Variants in UGT1A5 observed in about 807,000 individuals in gnomAD.
UGT1A5 encodes the protein UDP-glucuronosyltransferase 1A5.
In UGT1A5, 29 loss-of-function variants were observed where a neutral mutation model predicts 40.3. That is an observed-to-expected ratio of 0.72 (90% CI 0.54 to 0.98). The LOEUF (loss-of-function observed/expected upper bound fraction) is 0.98. Among genes scored for constraint, UGT1A5 ranks in the 50% least tolerant of loss-of-function variants. The pLI is 0.00. For missense variants in UGT1A5, 678 were observed against 677.9 expected (o/e 1.00, Z 0.00); for synonymous variants, 257 against 262.5 (o/e 0.98, Z 0.20).
intron 1 of UGT1A5, among the ~76,000 whole-genome samples, chr2:233,738,198 C>T (rs981830187): frequency 3.3e-5 from 5 of 152,188 alleles, no homozygotes; most frequent in Admixed American, 3.3e-4. Context: ...GCCTCTCTCT[C>T]ACTTTCTGCC....
intron 1 of UGT1A5, among the ~76,000 whole-genome samples, chr2:233,725,192 A>C (rs1239126007): frequency 1.2e-5 from 1 of 85,448 alleles, no homozygotes; most frequent in African/African-American, 8.6e-5. Flanking sequence ...AGGCAGAGGC[A>C]GAGGCAGAGG....
Position 233,766,627 on chromosome 2 carries a change from T to G in UGT1A5, c.868-407T>G, listed in dbSNP as rs28900401. On this transcript the variant is annotated intron_variant, in intron 1 of 4. Transcript: ENST00000373414. ...CACCCTCTTCTACCCAGCACTTCCC[T>G]TCCCTACTTCCATATCATTTAAAGG... 9.6e-3 allele frequency among the ~76,000 whole-genome samples: 1,465 copies of G among 152,310 alleles called. 33 individuals are homozygous for G. The highest frequency in any genetic ancestry group is 0.033 in the African/African-American group (1,374 of 41,578).
intron 1 of UGT1A5, among the ~76,000 whole-genome samples, chr2:233,742,411 A>G (rs566737557): frequency 5.3e-5 from 8 of 152,078 alleles, no homozygotes; most frequent in Non-Finnish European, 8.8e-5. Flanking sequence ...TAGTTTAGGA[A>G]CACCTTAAGC....
At chr2:233,719,592 C>T (rs201293328) in intron 1 of UGT1A5, 161 of 1,613,882 alleles carry the variant, frequency 1.0e-4, no homozygotes, top group Non-Finnish European at 1.2e-4. Flanking sequence ...GTGGCTGTTC[C>T]GAGGGGACTT....
chr2:233,717,725 C>A (rs977761305), intron 1 of UGT1A5: 47 of 455,612 alleles, frequency 1.0e-4, no homozygotes, highest in Non-Finnish European at 1.9e-4. Flanking sequence ...GGGCATGAGA[C>A]CATTGTGAGT....
At chr2:233,761,616 T>C (rs1314305067) in intron 1 of UGT1A5, among the ~76,000 whole-genome samples, 1 of 152,246 alleles carries the variant, frequency 6.6e-6, no homozygotes, top group East Asian at 1.9e-4. Flanking sequence ...AATATTCTGA[T>C]AAGAAGCTAA....
chr2:233,757,027 T>C (rs1022147846), intron 1 of UGT1A5, among the ~76,000 whole-genome samples: 2 of 151,348 alleles, frequency 1.3e-5, no homozygotes, highest in African/African-American at 4.9e-5. Context: ...ACAAAGCAAT[T>C]TGAGAACATC....
chr2:233,764,521 T>A (rs2126010678), intron 1 of UGT1A5, among the ~76,000 whole-genome samples: 1 of 152,314 alleles, frequency 6.6e-6, no homozygotes, highest in African/African-American at 2.4e-5. Context: ...GTGAATCACA[T>A]CCTGCTGATT....
chr2:233,767,714 TCA>T (rs1424650372), intron 2 of UGT1A5, 133 bp from the exon 3 acceptor site: 27 of 1,536,346 alleles, frequency 1.8e-5, no homozygotes, highest in Non-Finnish European at 2.3e-5. Flanking sequence ...TCAGAAGCCT[TCA>T]CAGTTACTGA....
Position 233,760,454 on chromosome 2 carries a change from A to C in UGT1A5, c.868-6580A>C, listed in dbSNP as rs140365717. 64 of 1,614,102 alleles carry C rather than the reference A, an allele frequency of 4.0e-5. No homozygotes were observed. The highest frequency in any genetic ancestry group is 5.0e-5 in the Non-Finnish European group (59 of 1,180,050). On this transcript the variant is annotated intron_variant, in intron 1 of 4. Coordinates refer to ENST00000373414, the MANE Select transcript of UGT1A5 (RefSeq NM_019078.2). Reference sequence around the variant, plus strand: ...CAGCAGCTGCAGCAGAGGGGACATGAAATAGTTGTCCTAGCACCTGACGCC... The same window carrying C: ...CAGCAGCTGCAGCAGAGGGGACATGCAATAGTTGTCCTAGCACCTGACGCC...
At chr2:233,725,279 GGCA>G (rs367576193) in intron 1 of UGT1A5, among the ~76,000 whole-genome samples, 53 of 44,274 alleles carry the variant, frequency 1.2e-3, no homozygotes, top group East Asian at 6.1e-3. Flanking sequence ...CAGAGGCAGA[GGCA>G]GAGGCAGAGG....
intron 1 of UGT1A5, chr2:233,760,242 A>C: frequency 6.2e-7 from 1 of 1,607,672 alleles, no homozygotes; most frequent in Non-Finnish European, 8.5e-7. Context: ...CCATATATAT[A>C]TATATAAGTA....
intron 1 of UGT1A5, chr2:233,747,550 G>C: frequency 6.2e-6 from 10 of 1,601,970 alleles, no homozygotes; most frequent in Non-Finnish European, 7.7e-6. Context: ...TTTTCTAAAA[G>C]TATGGCAATT....
intron 1 of UGT1A5, among the ~76,000 whole-genome samples, chr2:233,763,089 A>C (rs1698233437): frequency 6.6e-6 from 1 of 152,238 alleles, no homozygotes; most frequent in South Asian, 2.1e-4. Flanking sequence ...GGATGTTTGT[A>C]GGAGAGGCAC....
chr2:233,742,570 A>C (rs1348152988), intron 1 of UGT1A5, among the ~76,000 whole-genome samples: 2 of 151,766 alleles, frequency 1.3e-5, no homozygotes, highest in Non-Finnish European at 2.9e-5. Flanking sequence ...TTCTGGCCGG[A>C]ATTGGGGGCT....
chr2:233,742,574 G>A lies in UGT1A5; in HGVS notation c.868-24460G>A, dbSNP rs544718368. On this transcript the variant is annotated intron_variant, in intron 1 of 4. Coordinates refer to ENST00000373414, the MANE Select transcript of UGT1A5 (RefSeq NM_019078.2). ...TAGGGGCCAGCTTCTGGCCGGAATT[G>A]GGGGCTTATCCCCAGCAACCTACCA... Among the ~76,000 whole-genome samples the A allele has an allele frequency of 5.3e-5, 8 of 151,892 alleles. No homozygotes were observed. In the South Asian group the frequency reaches 1.7e-3, roughly 31 times the overall value.
chr2:233,751,084 C>T (rs1694636853), intron 1 of UGT1A5, among the ~76,000 whole-genome samples: 1 of 151,906 alleles, frequency 6.6e-6, no homozygotes, highest in Non-Finnish European at 1.5e-5. Flanking sequence ...CTGAAGGCAG[C>T]CAGGAGGAGG....
intron 1 of UGT1A5, among the ~76,000 whole-genome samples, chr2:233,732,141 T>G (rs532123817): frequency 9.3e-4 from 141 of 151,992 alleles, no homozygotes; most frequent in African/African-American, 3.3e-3. Flanking sequence ...TGTTTGTTTG[T>G]TTTTTTTCTT....
chr2:233,743,601 C>T (rs201940151), intron 1 of UGT1A5: 28 of 1,367,176 alleles, frequency 2.0e-5, no homozygotes, highest in African/African-American at 4.5e-5. Context: ...GGGTCCTGGC[C>T]GCCGAAGAAC....
Sources: gnomAD v4.1 joint callset for allele counts (sites outside exome capture counted in the v4.1 genomes callset) on GRCh38, gnomAD v4.1.1 for gene constraint, MANE v1.5 for transcripts, NCBI Gene and HGNC (gene_info 2026-07-23, HGNC 2026-07-21) for gene names.